PTPRT: variants seen among roughly 807,000 people sequenced by gnomAD.
PTPRT encodes the protein receptor-type tyrosine-protein phosphatase T.
A neutral mutation model predicts 176.8 loss-of-function variants in PTPRT; 56 were observed. That is an observed-to-expected ratio of 0.32 (90% CI 0.26 to 0.40). The LOEUF is 0.40. Among genes scored for constraint, PTPRT ranks in the 10% least tolerant of loss-of-function variants. The pLI is 1.00. For synonymous variants in PTPRT, 783 were observed against 739.0 expected (o/e 1.06, Z -0.96); for missense variants, 1,540 against 1,908.2 (o/e 0.81, Z 3.60).
chr20:43,109,723 A>G (rs1036887763), intron 1 of PTPRT, among the ~76,000 whole-genome samples: 2 of 152,180 alleles, frequency 1.3e-5, no homozygotes, highest in African/African-American at 4.8e-5. Flanking sequence ...GGAACATGAC[A>G]GAAGTGGACA....
At chr20:42,361,739 G>A (rs1220639868) in intron 9 of PTPRT, among the ~76,000 whole-genome samples, 1 of 152,130 alleles carries the variant, frequency 6.6e-6, no homozygotes, top group African/African-American at 2.4e-5. Context: ...GGTCACCCCT[G>A]GTCATTTGAG....
At chr20:42,264,921 C>T (rs73120024) in intron 13 of PTPRT, among the ~76,000 whole-genome samples, 1 of 152,340 alleles carries the variant, frequency 6.6e-6, no homozygotes, top group Non-Finnish European at 1.5e-5. Context: ...TCACCAGTCA[C>T]AGTCTGGCCC....
At chr20:42,145,542 A>ATAGC (rs1394139941) in intron 17 of PTPRT, among the ~76,000 whole-genome samples, 3 of 151,946 alleles carry the variant, frequency 2.0e-5, no homozygotes, top group Non-Finnish European at 4.4e-5. Context: ...AGATAGATAG[A>ATAGC]TAGATGGATG....
chr20:42,770,337 T>C (rs966569642), intron 5 of PTPRT, among the ~76,000 whole-genome samples: 2 of 152,220 alleles, frequency 1.3e-5, no homozygotes, highest in Non-Finnish European at 1.5e-5. Flanking sequence ...CACAGCCACA[T>C]GTAGTTAGTG....
chr20:42,454,666 A>G (rs1358458373), intron 8 of PTPRT, among the ~76,000 whole-genome samples: 2 of 152,172 alleles, frequency 1.3e-5, no homozygotes. Context: ...TATTGGCTAT[A>G]TGTGCTACTG....
At chr20:42,788,896 T>A (rs539428919) in intron 3 of PTPRT, among the ~76,000 whole-genome samples, 1 of 152,268 alleles carries the variant, frequency 6.6e-6, no homozygotes, top group South Asian at 2.1e-4. Flanking sequence ...TGGAGCCAAG[T>A]GGTTAAGAAT....
chr20:42,867,285 C>T (rs1326232692), intron 2 of PTPRT, among the ~76,000 whole-genome samples: 1 of 152,070 alleles, frequency 6.6e-6, no homozygotes, highest in African/African-American at 2.4e-5. Context: ...CAAACCAGCT[C>T]CATATCAGAA....
At chr20:42,036,043 G>C in the PTPRT span, among the ~76,000 whole-genome samples, 2 of 152,176 alleles carry the variant, frequency 1.3e-5, no homozygotes. Flanking sequence ...CAATAGCTGT[G>C]GGCAATTGGA....
intron 2 of PTPRT, among the ~76,000 whole-genome samples, chr20:42,847,680 T>C (rs1419210666): frequency 2.0e-5 from 3 of 152,126 alleles, no homozygotes; most frequent in Non-Finnish European, 2.9e-5. Context: ...GCTGCCACAG[T>C]TGAGTGATCT....
intron 1 of PTPRT, among the ~76,000 whole-genome samples, chr20:42,982,191 T>G (rs547236480): frequency 1.3e-5 from 2 of 152,286 alleles, no homozygotes; most frequent in South Asian, 4.1e-4. Flanking sequence ...ATCCATGAGT[T>G]TCTGCCTACA....
At chr20:42,034,626 T>C in the PTPRT span, among the ~76,000 whole-genome samples, 1 of 152,088 alleles carries the variant, frequency 6.6e-6, no homozygotes, top group African/African-American at 2.4e-5. Flanking sequence ...AGTGAGACCA[T>C]CTTAGCACCT....
intron 16 of PTPRT, among the ~76,000 whole-genome samples, chr20:42,176,747 G>GT (rs754282722): frequency 6.6e-6 from 1 of 152,164 alleles, no homozygotes; most frequent in Non-Finnish European, 1.5e-5. Flanking sequence ...ATTTTGACAG[G>GT]TTTTTACAAT....
chr20:42,547,995 T>G (rs184817804), intron 7 of PTPRT, among the ~76,000 whole-genome samples: 1 of 151,974 alleles, frequency 6.6e-6, no homozygotes, highest in African/African-American at 2.4e-5. Flanking sequence ...CTATAATATG[T>G]TTAAGAATCA....
intron 9 of PTPRT, among the ~76,000 whole-genome samples, chr20:42,430,808 T>G (rs1009606790): frequency 6.6e-5 from 10 of 152,206 alleles, no homozygotes; most frequent in African/African-American, 2.4e-4. Flanking sequence ...TTTTCACACA[T>G]CAGCCTGCTC....
chr20:42,394,885 T>G (rs999328737), intron 9 of PTPRT, among the ~76,000 whole-genome samples: 4 of 152,174 alleles, frequency 2.6e-5, no homozygotes, highest in Non-Finnish European at 5.9e-5. Context: ...ACCATTAAAA[T>G]GAAGGTGATA....
chr20:42,221,934 G>A (rs1298290415), intron 15 of PTPRT, among the ~76,000 whole-genome samples: 2 of 151,756 alleles, frequency 1.3e-5, no homozygotes, highest in Non-Finnish European at 2.9e-5. Context: ...TCCCTCCCTC[G>A]ACACATGGGG....
intron 9 of PTPRT, among the ~76,000 whole-genome samples, chr20:42,363,292 ATATATATATTTTTTTTT>A (rs1348827302): frequency 3.9e-5 from 1 of 25,462 alleles, no homozygotes; most frequent in African/African-American, 1.8e-4. Context: ...ATATATATAT[ATATATATATTTTTTTTT>A]TTTTTTTTTT....
rs1312803494 is a variant in PTPRT, at chr20:42,152,932, T to TA, written c.2682+8419dup. The stretch of plus-strand genomic sequence containing the variant: ...CATAGGCAGGCATCTTTGTTTCTCC[T>TA]AAAAAAAAATTGGCTGCAGCATTTT... On this transcript the variant is annotated intron_variant, in intron 17 of 30. Transcript: ENST00000373187. Among the ~76,000 whole-genome samples, 21 of 151,712 alleles carry TA rather than the reference T, an allele frequency of 1.4e-4. No individual in the cohort carries two copies. The South Asian group carries it at 3.1e-3, about 23-fold the overall frequency.
the PTPRT span, among the ~76,000 whole-genome samples, chr20:42,041,907 C>T: frequency 6.6e-6 from 1 of 152,150 alleles, no homozygotes; most frequent in African/African-American, 2.4e-5. Context: ...TAGCTCCTTC[C>T]TTCCTATGCC....
Sources: allele counts gnomAD v4.1 joint callset (sites outside exome capture counted in the v4.1 genomes callset), GRCh38; gene constraint gnomAD v4.1.1; transcripts MANE v1.5; gene names NCBI Gene and HGNC (gene_info 2026-07-23, HGNC 2026-07-21).